Variants in PCDHA13 observed in about 807,000 individuals in gnomAD.
PCDHA13 encodes the protein protocadherin alpha 13.
PCDHA13 carries 54 observed loss-of-function variants against 64.8 expected under a neutral mutation model. The observed-to-expected ratio is 0.83, with a 90% CI of 0.67 to 1.04. The LOEUF (loss-of-function observed/expected upper bound fraction) is 1.04. PCDHA13 is among the 50% of genes least tolerant of loss of function. PCDHA13 has a pLI of 0.00. For synonymous variants in PCDHA13, 587 were observed against 564.4 expected (o/e 1.04, Z -0.57); for missense variants, 1,248 against 1,254.3 (o/e 0.99, Z 0.08).
chr5:140,995,674 A>AT (rs1240189428), intron 3 of PCDHA13, among the ~76,000 whole-genome samples: 2 of 152,112 alleles, frequency 1.3e-5, no homozygotes, highest in South Asian at 2.1e-4. Context: ...TAAATGCAGC[A>AT]TTTTTTTTAA....
intron 1 of PCDHA13, among the ~76,000 whole-genome samples, chr5:140,906,376 C>T (rs1372120775): frequency 1.3e-5 from 2 of 152,166 alleles, no homozygotes; most frequent in Admixed American, 6.5e-5. Context: ...AATGCTATTA[C>T]ATAAAGTTAA....
intron 1 of PCDHA13, among the ~76,000 whole-genome samples, chr5:140,908,655 G>C (rs1419890192): frequency 6.6e-6 from 1 of 152,176 alleles, no homozygotes; most frequent in East Asian, 1.9e-4. Context: ...ATGGGGGCCT[G>C]CCAAAGGCTC....
At position 140,928,140 on chromosome 5, in the gene PCDHA13, G is replaced by A. The variant is rs200493520; in HGVS notation, c.2394+43478G>A. On this transcript the variant is annotated intron_variant, in intron 1 of 3. Coordinates refer to ENST00000289272, the MANE Select transcript of PCDHA13 (RefSeq NM_018904.3). The stretch of plus-strand genomic sequence containing the variant: ...TCAGTGAATACCAAGTCCTGATCAC[G>A]GCCTCAGATAGTGGCTCACCCCCAC... The A allele has an allele frequency of 2.7e-5, 43 of 1,614,036 alleles. 1 individual carries two copies. The South Asian group carries it at 4.2e-4, about 16-fold the overall frequency.
intron 1 of PCDHA13, among the ~76,000 whole-genome samples, chr5:140,903,138 A>T (rs188809018): frequency 6.6e-6 from 1 of 152,258 alleles, no homozygotes; most frequent in East Asian, 1.9e-4. Context: ...AAATCTCCAA[A>T]CTGTTTTCCA....
chr5:140,911,055 G>A lies in PCDHA13; in HGVS notation c.2394+26393G>A, dbSNP rs576580251. The stretch of plus-strand genomic sequence containing the variant: ...CTAGAAGCAAACAGGGGTGGTGGGG[G>A]GTGGGTCCTGAGGAGAATCAACATT... On this transcript the variant is annotated intron_variant, in intron 1 of 3. Transcript: ENST00000289272. 5.3e-5 allele frequency among the ~76,000 whole-genome samples: 8 copies of A among 152,158 alleles called. 1 individual carries two copies. The highest frequency in any genetic ancestry group is 5.2e-4 in the Admixed American group (8 of 15,266).
chr5:140,886,827 GAA>G (rs782016620), intron 1 of PCDHA13, among the ~76,000 whole-genome samples: 14 of 60,910 alleles, frequency 2.3e-4, no homozygotes, highest in Non-Finnish European at 3.3e-4. Context: ...ACTTCGTCTT[GAA>G]AAAAAAAAAA....
At chr5:141,005,953 A>G (rs1036085493) in intron 3 of PCDHA13, among the ~76,000 whole-genome samples, 1 of 152,052 alleles carries the variant, frequency 6.6e-6, no homozygotes, top group Non-Finnish European at 1.5e-5. Context: ...TCTCTAACAA[A>G]CAACAATAAA....
intron 3 of PCDHA13, among the ~76,000 whole-genome samples, chr5:140,991,929 C>T (rs1250639930): frequency 1.3e-5 from 2 of 152,088 alleles, no homozygotes; most frequent in South Asian, 2.1e-4. Flanking sequence ...ATAACATATT[C>T]ACAAGTTCTA....
intron 1 of PCDHA13, among the ~76,000 whole-genome samples, chr5:140,904,951 T>C (rs1468765932): frequency 6.6e-6 from 1 of 152,188 alleles, no homozygotes; most frequent in Non-Finnish European, 1.5e-5. Context: ...GTCCTTTGTC[T>C]GATGCAGAAT....
chr5:140,897,227 C>T (rs1554187259), intron 1 of PCDHA13, among the ~76,000 whole-genome samples: 1 of 152,036 alleles, frequency 6.6e-6, no homozygotes, highest in Non-Finnish European at 1.5e-5. Flanking sequence ...TACATGTGCA[C>T]AATGTGCAGG....
rs150949805 is a variant in PCDHA13, at chr5:141,009,832, C to T, written c.2748C>T (p.Phe916=). The stretch of plus-strand genomic sequence containing the variant: ...TTGACAAAAGTGACTTCATAACCTT[C>T]GGCAAAAAGGAGGAGACCAAGAAAA... ...SQIDKSDFIT[F]GKKEETKKKK... The change falls in exon 4 of 4, where the codon TTC becomes TTT. Residue 916 remains phenylalanine (F), a synonymous_variant. Coordinates refer to ENST00000289272, the MANE Select transcript of PCDHA13 (RefSeq NM_018904.3). The T allele has an allele frequency of 7.1e-5, 114 of 1,613,408 alleles. No individual in the cohort carries two copies. The highest frequency in any genetic ancestry group is 9.2e-5 in the Non-Finnish European group (109 of 1,179,918).
rs1220718510 is a variant in PCDHA13, at chr5:140,898,104, A to T, written c.2394+13442A>T. 2.0e-5 allele frequency among the ~76,000 whole-genome samples: 3 copies of T among 152,110 alleles called. No individual in the cohort carries two copies. In the South Asian group the frequency reaches 6.2e-4, roughly 32 times the overall value. On this transcript the variant is annotated intron_variant, in intron 1 of 3. Coordinates refer to ENST00000289272, the MANE Select transcript of PCDHA13 (RefSeq NM_018904.3). Reference sequence around the variant, plus strand: ...CTGGATATTAGCCCTTTGTCAGATGAGTAGGTTGCGAAAATTTTCTCCCAT... The same window carrying T: ...CTGGATATTAGCCCTTTGTCAGATGTGTAGGTTGCGAAAATTTTCTCCCAT...
chr5:140,902,316 G>C (rs2069370797), intron 1 of PCDHA13, among the ~76,000 whole-genome samples: 1 of 151,402 alleles, frequency 6.6e-6, no homozygotes, highest in Non-Finnish European at 1.5e-5. Context: ...GGGATTACAG[G>C]TGTAACTCAC....
At chr5:140,951,098 A>T (rs1480000816) in intron 1 of PCDHA13, among the ~76,000 whole-genome samples, 1 of 151,264 alleles carries the variant, frequency 6.6e-6, no homozygotes, top group African/African-American at 2.4e-5. Flanking sequence ...TTCTGATAAG[A>T]TTTCCTTTAT....
rs782058694 is a variant in PCDHA13 at position 140,883,215 on chromosome 5, A to G, written c.947A>G (p.Tyr316Cys). The change falls in exon 1 of 4, where the codon TAT (tyrosine) becomes TGT (cysteine). Residue 316 changes from tyrosine to cysteine, a missense_variant. Coordinates refer to ENST00000289272, the MANE Select transcript of PCDHA13 (RefSeq NM_018904.3). ...GKLDFEEKKL[Y>C]EISVEAVDKG... ...CTAGATTTCGAAGAAAAGAAATTAT[A>G]TGAAATATCCGTGGAGGCAGTTGAC... 2.5e-6 allele frequency: 4 copies of G among 1,613,954 alleles called. No individual in the cohort carries two copies. Among genetic ancestry groups the G allele is most frequent in the Non-Finnish European group, 3.4e-6 (4 of 1,180,034 alleles).
Position 140,883,791 on chromosome 5 carries a change from T to C in PCDHA13, c.1523T>C (p.Val508Ala). 3 of 1,612,422 alleles carry C rather than the reference T, an allele frequency of 1.9e-6. No individual in the cohort carries two copies. The highest frequency in any genetic ancestry group is 3.9e-4 in the Middle Eastern group (2 of 5,066). ...RVGERALSSY[V>A]SVHAESGKVY... ...GGCGAGCGTGCGCTGTCGAGCTACG[T>C]GTCGGTGCACGCGGAGAGCGGCAAG... The change falls in exon 1 of 4, where the codon GTG (valine) becomes GCG (alanine). Residue 508 changes from valine (V) to alanine (A), a missense_variant. Physicochemically the swap from Val to Ala is moderately conservative, Grantham distance 64 (BLOSUM62 0). Coordinates refer to ENST00000289272, the MANE Select transcript of PCDHA13 (RefSeq NM_018904.3).
At position 140,941,191 on chromosome 5, in the gene PCDHA13, TTTTCTTTCTTCC is replaced by T. The variant is rs1293685535; in HGVS notation, c.2395-37735_2395-37724del. 2.6e-3 allele frequency among the ~76,000 whole-genome samples: 239 copies of T among 93,120 alleles called. 3 individuals are homozygous for T. Among genetic ancestry groups the T allele is most frequent in the East Asian group, 5.8e-3 (18 of 3,094 alleles). The allele number at this position is 93,120 out of a possible 152,430, so 61.1% of individuals were successfully genotyped here. ...CATCTTGAACATCCTGCTTCTTTTT[TTTTCTTTCTTCC>T]TTTCTTTCTTCCTTTCTTTCTTTCT... is the stretch of plus-strand genomic sequence containing the variant. On this transcript the variant is annotated intron_variant, in intron 1 of 3. Transcript: ENST00000289272.
chr5:140,950,995 C>G (rs1554219713), intron 1 of PCDHA13, among the ~76,000 whole-genome samples: 1 of 151,856 alleles, frequency 6.6e-6, no homozygotes, highest in Non-Finnish European at 1.5e-5. Flanking sequence ...TCTTTTAGCT[C>G]CATTTTTCCC....
rs2098421039 is a variant in PCDHA13, at chr5:141,011,549, G to GA, written c.*1615dup. 1 of 153,674 alleles carries GA rather than the reference G, an allele frequency of 6.5e-6. No individual in the cohort carries two copies. The highest frequency in any genetic ancestry group is 1.5e-5 in the Non-Finnish European group (1 of 68,008). The allele number at this position is 153,674 out of a possible 1,614,324, so 9.5% of individuals were successfully genotyped here. A position where few individuals can be genotyped will look rare whatever the true frequency, so the allele number is the denominator to read the frequency against. Reference sequence around the variant, plus strand: ...CCATTGTTAATCAGCTTTTGTGTATGAAAGACACAGTAAAATTTCTTTCTT... The same window carrying GA: ...CCATTGTTAATCAGCTTTTGTGTATGAAAAGACACAGTAAAATTTCTTTCTT... On this transcript the variant is annotated 3_prime_UTR_variant, in exon 4 of 4. Coordinates refer to ENST00000289272, the MANE Select transcript of PCDHA13 (RefSeq NM_018904.3).
Sources: allele counts gnomAD v4.1 joint callset (sites outside exome capture counted in the v4.1 genomes callset), GRCh38; gene constraint gnomAD v4.1.1; transcripts MANE v1.5; gene names NCBI Gene and HGNC (gene_info 2026-07-23, HGNC 2026-07-21).